PKD1L1: variants seen among roughly 807,000 people sequenced by gnomAD.
PKD1L1 encodes polycystin-1-like protein 1.
In PKD1L1, 236 loss-of-function variants were observed where a neutral mutation model predicts 323.4. That is an observed-to-expected ratio of 0.73 (90% confidence interval 0.66 to 0.81). The LOEUF (loss-of-function observed/expected upper bound fraction) is 0.81. Ranked by LOEUF, PKD1L1 falls within the 40% of genes least tolerant of loss-of-function variation. The pLI is 0.00. For missense variants in PKD1L1, 3,320 were observed against 3,508.0 expected (o/e 0.95, Z 1.35); for synonymous variants, 1,344 against 1,335.0 (o/e 1.01, Z -0.15).
chr7:47,929,511 C>T lies in PKD1L1; in HGVS notation c.753G>A (p.Pro251=), dbSNP rs574059167. Residue 251 remains proline, a synonymous_variant, in exon 7 of 57, where the codon CCG becomes CCA. Coordinates refer to ENST00000289672, the MANE Select transcript of PKD1L1 (RefSeq NM_138295.5). ...PTSPRSSHGL[P]PGIPRTPSFT... ...AGCTGGGGGTGCGAGGAATGCCAGGCGGAAGGCCGTGGGAGCTGTGGGAGA... is the reference window on the plus strand; with the variant it reads ...AGCTGGGGGTGCGAGGAATGCCAGGTGGAAGGCCGTGGGAGCTGTGGGAGA... 20 of 1,613,188 alleles carry T rather than the reference C, an allele frequency of 1.2e-5. No homozygotes were observed. Among genetic ancestry groups the T allele is most frequent in the South Asian group, 8.8e-5 (8 of 90,954 alleles).
Position 47,865,236 on chromosome 7 carries a change from G to T in PKD1L1, c.4129C>A (p.Leu1377Ile). 1.2e-6 allele frequency: 2 copies of T among 1,613,336 alleles called. No individual in the cohort carries two copies. The highest frequency in any genetic ancestry group is 1.7e-6 in the Non-Finnish European group (2 of 1,179,690). Residue 1377 changes from leucine (L) to isoleucine (I), a missense_variant, in exon 26 of 57, where the codon CTC (leucine) becomes ATC (isoleucine). Physicochemically the swap from Leu to Ile is conservative, Grantham distance 5 (BLOSUM62 2). Coordinates refer to ENST00000289672, the MANE Select transcript of PKD1L1 (RefSeq NM_138295.5). ...CTTACCTTATTAGAGAAGCTCACGA[G>T]GTCCCTCAACATAAGAACAGAACCA... ...MIGSVLMLRD[L>I]VSFSNKLGFM...
Position 47,940,314 on chromosome 7 carries a change from A to G in PKD1L1, c.164T>C (p.Val55Ala), listed in dbSNP as rs956300107. 8.1e-6 allele frequency: 13 copies of G among 1,608,442 alleles called. No individual in the cohort carries two copies. In the African/African-American group the frequency reaches 1.5e-4, roughly 18 times the overall value. Residue 55 changes from valine (V) to alanine (A), a missense_variant, in exon 3 of 57, where the codon GTC (valine) becomes GCC (alanine). Physicochemically the swap from Val to Ala is moderately conservative, Grantham distance 64. Coordinates refer to ENST00000289672, the MANE Select transcript of PKD1L1 (RefSeq NM_138295.5). ...SPPGGGLWVE[V>A]YANHVLLMSD... ...CATAAGAAGCACATGATTAGCATAG[A>G]CCTCTAGAGAAAAAAAAAAAAGCAA...
intron 7 of PKD1L1, among the ~76,000 whole-genome samples, chr7:47,920,298 CA>C (rs58524433): frequency 0.013 from 1,783 of 140,334 alleles, 38 homozygotes; most frequent in African/African-American, 0.043. Context: ...CAAACAAAAA[CA>C]AAAAAAAAAA....
chr7:47,879,940 AT>A (rs776840171), intron 21 of PKD1L1, among the ~76,000 whole-genome samples: 51,310 of 146,938 alleles, frequency 0.35, 9,972 homozygotes, highest in African/African-American at 0.53. Context: ...CAACAAAAAA[AT>A]AAAAAATAAA....
At chr7:47,923,506 A>C (rs1465504550) in intron 7 of PKD1L1, among the ~76,000 whole-genome samples, 1 of 151,908 alleles carries the variant, frequency 6.6e-6, no homozygotes, top group Admixed American at 6.6e-5. Flanking sequence ...ATGTAACCAA[A>C]CACCACCCGT....
At chr7:47,940,689 G>C (rs575998903) in intron 2 of PKD1L1, among the ~76,000 whole-genome samples, 1 of 152,310 alleles carries the variant, frequency 6.6e-6, no homozygotes, top group African/African-American at 2.4e-5. Flanking sequence ...CGGAAGGAGT[G>C]GTTGGGGAGC....
At chr7:47,886,181 C>T in intron 17 of PKD1L1, 127 bp from the exon 18 acceptor site, 1 of 1,262,182 alleles carries the variant, frequency 7.9e-7, no homozygotes, top group Non-Finnish European at 1.1e-6. Context: ...AAAACCTACA[C>T]TTAAGAGATA....
At chr7:47,818,642 G>GC (rs558845618) in intron 46 of PKD1L1, among the ~76,000 whole-genome samples, 159 of 152,260 alleles carry the variant, frequency 1.0e-3, no homozygotes, top group African/African-American at 3.7e-3. Flanking sequence ...AACCAAATGA[G>GC]CCAGGAGTAT....
At chr7:47,937,303 A>C (rs1158232588) in intron 3 of PKD1L1, among the ~76,000 whole-genome samples, 1 of 149,278 alleles carries the variant, frequency 6.7e-6, no homozygotes. Flanking sequence ...GGGTCAGAGA[A>C]GGCCGCTGTG....
the PKD1L1 span, among the ~76,000 whole-genome samples, chr7:47,953,925 C>A: frequency 1.9e-4 from 29 of 152,314 alleles, no homozygotes; most frequent in East Asian, 5.6e-3. Flanking sequence ...TTTTTCTTCC[C>A]CTGTAAGGGG....
intron 42 of PKD1L1, 136 bp from the exon 43 acceptor site, chr7:47,830,260 G>C: frequency 2.9e-6 from 2 of 678,908 alleles, no homozygotes; most frequent in Non-Finnish European, 5.1e-6. Context: ...CTGTGGGGGT[G>C]GTGCTGGACA....
At chr7:47,932,939 G>A (rs1787800077) in intron 4 of PKD1L1, among the ~76,000 whole-genome samples, 1 of 152,230 alleles carries the variant, frequency 6.6e-6, no homozygotes, top group African/African-American at 2.4e-5. Flanking sequence ...CAGAGGCTCT[G>A]GAGCTCAGTC....
the PKD1L1 span, among the ~76,000 whole-genome samples, chr7:47,959,487 T>C: frequency 7.6e-6 from 1 of 131,912 alleles, no homozygotes; most frequent in East Asian, 2.4e-4. Context: ...CCGTCTGGGA[T>C]GTGAGGAGCG....
Position 47,885,740 on chromosome 7 carries a change from T to C in PKD1L1, c.3151A>G (p.Thr1051Ala), listed in dbSNP as rs1583648297. Reference sequence around the variant, plus strand: ...GGCTGACTTCTCTCAGAGCGGCCAGTCATCAGGGATCCCTTGCTCTGTGGC... The same window carrying C: ...GGCTGACTTCTCTCAGAGCGGCCAGCCATCAGGGATCCCTTGCTCTGTGGC... ...PGPQSKGSLM[T>A]GRSERSQPTH... Residue 1051 changes from threonine to alanine, a missense_variant, in exon 18 of 57, where the codon ACT becomes GCT. Coordinates refer to ENST00000289672, the MANE Select transcript of PKD1L1 (RefSeq NM_138295.5). The C allele has an allele frequency of 1.2e-6, 2 of 1,614,126 alleles. No homozygotes were observed. The highest frequency in any genetic ancestry group is 2.2e-5 in the East Asian group (1 of 44,876).
At chr7:47,797,980 T>C (rs1186136444) in intron 54 of PKD1L1, among the ~76,000 whole-genome samples, 1 of 152,112 alleles carries the variant, frequency 6.6e-6, no homozygotes, top group Non-Finnish European at 1.5e-5. Flanking sequence ...AATTCTAGGA[T>C]CAAAAAAGCT....
At chr7:47,912,215 A>G (rs1787336665) in intron 8 of PKD1L1, among the ~76,000 whole-genome samples, 1 of 152,208 alleles carries the variant, frequency 6.6e-6, no homozygotes, top group African/African-American at 2.4e-5. Context: ...ATTTTAGAGT[A>G]TAATGGAGAA....
At chr7:47,905,819 T>A (rs977109636) in intron 10 of PKD1L1, 24 bp downstream of exon 10, 17 of 1,610,046 alleles carry the variant, frequency 1.1e-5, no homozygotes, top group African/African-American at 1.3e-5. Context: ...TTTTGTTAAA[T>A]CTGGAATTAA....
chr7:47,785,650 C>T (rs1054193748), intron 56 of PKD1L1, among the ~76,000 whole-genome samples: 9 of 152,244 alleles, frequency 5.9e-5, no homozygotes, highest in African/African-American at 2.2e-4. Flanking sequence ...GCTCAACCCT[C>T]AGACCTGCCT....
In PKD1L1 at chr7:47,836,989, C is replaced by A. The variant is rs528319559; in HGVS notation, c.5875G>T (p.Val1959Leu). 6.2e-7 allele frequency: 1 copy of A among 1,614,144 alleles called. No individual in the cohort carries two copies. Among genetic ancestry groups the A allele is most frequent in the Admixed American group, 1.7e-5 (1 of 60,018 alleles). ...SRYLHTPRLT[V>L]SFSLLCVYAC... ...TAGACGCACAGCAGGGAGAAGGACA[C>A]GGTGAGGCGCGGCGTGTGCAGGTAG... The change falls in exon 37 of 57, where the codon GTG becomes TTG. Residue 1959 changes from valine (V) to leucine (L), a missense_variant. By Grantham distance (32) the Val-to-Leu change is conservative. Transcript: ENST00000289672.
Sources: gnomAD v4.1 joint callset for allele counts (sites outside exome capture counted in the v4.1 genomes callset) on GRCh38, gnomAD v4.1.1 for gene constraint, MANE v1.5 for transcripts, NCBI Gene and HGNC (gene_info 2026-07-23, HGNC 2026-07-21) for gene names.